Variants in COL21A1 observed in about 807,000 individuals in gnomAD.
The protein encoded by COL21A1 is collagen alpha-1(XXI) chain.
COL21A1 carries 149 observed loss-of-function variants against 137.9 expected under a neutral mutation model. The ratio of observed to expected loss-of-function variants is 1.08; its 90% CI spans 0.95 to 1.24. COL21A1 has a LOEUF of 1.24. Ranked by LOEUF, COL21A1 falls within the 50% of genes most tolerant of loss-of-function variation. COL21A1 has a pLI of 0.00. For missense variants in COL21A1, 1,167 were observed against 1,158.4 expected (o/e 1.01, Z -0.11); for synonymous variants, 456 against 391.5 (o/e 1.16, Z -1.95).
rs1763677445 is a variant in COL21A1 at position 56,276,935 on chromosome 6, G to A, written c.-38-94279C>T. 1.9e-5 allele frequency: 7 copies of A among 373,034 alleles called. No homozygotes were observed. The South Asian group carries it at 2.5e-4, about 13-fold the overall frequency. The allele number at this position is 373,034 out of a possible 1,614,324, so 23.1% of individuals were successfully genotyped here. A position where few individuals can be genotyped will look rare whatever the true frequency, so the allele number is the denominator to read the frequency against. Reference sequence around the variant, plus strand: ...CCATTCTACTGCCTCAGCCTCCCGAGTAGCTGGGACTACAGGCGCATGCCG... The same window carrying A: ...CCATTCTACTGCCTCAGCCTCCCGAATAGCTGGGACTACAGGCGCATGCCG... On this transcript the variant is annotated intron_variant, in intron 1 of 28. Transcript: ENST00000370819.
chr6:56,078,799 G>C (rs1767471719), intron 17 of COL21A1, among the ~76,000 whole-genome samples: 1 of 151,576 alleles, frequency 6.6e-6, no homozygotes, highest in Non-Finnish European at 1.5e-5. Context: ...GAGAACAAAA[G>C]TGGTATGTGA....
chr6:56,190,950 G>A (rs765469940), intron 1 of COL21A1, among the ~76,000 whole-genome samples: 3 of 152,060 alleles, frequency 2.0e-5, no homozygotes, highest in Non-Finnish European at 4.4e-5. Flanking sequence ...TCAATGGAAC[G>A]TATCTTAAAA....
At position 56,183,898 on chromosome 6, in the gene COL21A1, C is replaced by T. The variant is rs569878852; in HGVS notation, c.-38-1242G>A. Among the ~76,000 whole-genome samples the T allele has an allele frequency of 1.2e-4, 19 of 152,144 alleles. No individual in the cohort carries two copies. The South Asian group carries it at 3.5e-3, about 28-fold the overall frequency. On this transcript the variant is annotated intron_variant, in intron 1 of 29. Transcript: ENST00000244728. ...AGAAAAATGCTTGCAGTTAAACAAA[C>T]ATCAGAAAATGGTTTATGCAACGGG...
chr6:56,090,287 A>G (rs1768677897), intron 17 of COL21A1, among the ~76,000 whole-genome samples: 1 of 152,208 alleles, frequency 6.6e-6, no homozygotes, highest in Non-Finnish European at 1.5e-5. Flanking sequence ...AGTGCCGTAG[A>G]CACAGAGCTT....
intron 10 of COL21A1, among the ~76,000 whole-genome samples, chr6:56,145,765 G>C (rs1774783141): frequency 6.6e-6 from 1 of 151,616 alleles, no homozygotes; most frequent in Non-Finnish European, 1.5e-5. Context: ...TTTATTAGCA[G>C]GTCCAAATAT....
At chr6:56,304,466 T>C (rs1345143690) in intron 1 of COL21A1, among the ~76,000 whole-genome samples, 1 of 152,100 alleles carries the variant, frequency 6.6e-6, no homozygotes, top group African/African-American at 2.4e-5. Context: ...CTTGGGAGGG[T>C]GTATGTGTCG....
intron 27 of COL21A1, 90 bp downstream of exon 27, chr6:56,060,651 C>T (rs1328254877): frequency 6.0e-6 from 6 of 1,000,030 alleles, no homozygotes; most frequent in South Asian, 4.0e-5. Flanking sequence ...TCTTCTTCAC[C>T]TCACTTATAT....
At chr6:56,254,272 G>A (rs1328954777) in intron 1 of COL21A1, among the ~76,000 whole-genome samples, 5 of 152,178 alleles carry the variant, frequency 3.3e-5, no homozygotes, top group Admixed American at 1.3e-4. Flanking sequence ...ATGCTTCTTT[G>A]TGGTAACCCA....
At chr6:56,344,304 T>G (rs1765539312) in intron 1 of COL21A1, among the ~76,000 whole-genome samples, 1 of 152,210 alleles carries the variant, frequency 6.6e-6, no homozygotes, top group African/African-American at 2.4e-5. Flanking sequence ...TTTCCAGAAT[T>G]AATGTTTCCA....
rs1206379313 is a variant in COL21A1 at position 56,325,675 on chromosome 6, T to A, written c.-39+68296A>T. Among the ~76,000 whole-genome samples the A allele has an allele frequency of 4.5e-3, 7 of 1,548 alleles. 2 individuals carry two copies. The highest frequency in any genetic ancestry group is 4.9e-3 in the African/African-American group (5 of 1,020). The allele number at this position is 1,548 out of a possible 152,430, so 1.0% of individuals were successfully genotyped here. On this transcript the variant is annotated intron_variant, in intron 1 of 28. Coordinates refer to the COL21A1 transcript ENST00000370819. ...TATATTATATATTAAATATATTATA[T>A]ATAATAGATAATATAAATATATATA...
At chr6:56,122,351 T>C (rs1231962365) in intron 16 of COL21A1, among the ~76,000 whole-genome samples, 1 of 151,840 alleles carries the variant, frequency 6.6e-6, no homozygotes, top group Admixed American at 6.6e-5. Flanking sequence ...CTGGCTGTGT[T>C]GCCCAGGCTG....
At chr6:56,281,763 G>A (rs780045715) in intron 1 of COL21A1, among the ~76,000 whole-genome samples, 4 of 152,070 alleles carry the variant, frequency 2.6e-5, no homozygotes, top group Admixed American at 6.6e-5. Context: ...CCTGATCCTT[G>A]TATTAATTGA....
chr6:56,290,568 C>T (rs949945023), intron 1 of COL21A1, among the ~76,000 whole-genome samples: 1 of 143,720 alleles, frequency 7.0e-6, no homozygotes, highest in Non-Finnish European at 1.5e-5. Context: ...GGCATGATCT[C>T]GGCTCACTGC....
At position 56,233,056 on chromosome 6, in the gene COL21A1, G is replaced by C. The variant is rs567178621; in HGVS notation, c.-39+14331C>G. Among the ~76,000 whole-genome samples the C allele has an allele frequency of 3.0e-4, 45 of 151,914 alleles. 1 individual carries two copies. The South Asian group carries it at 9.1e-3, about 31-fold the overall frequency. On this transcript the variant is annotated intron_variant, in intron 1 of 29. Transcript: ENST00000244728. ...ATATACTTTACACAAATGAGGAAGA[G>C]TGGCCTCTTGAACACTGTGCAACTC... is the stretch of plus-strand genomic sequence containing the variant.
chr6:56,213,692 A>G (rs2152307864), intron 1 of COL21A1, among the ~76,000 whole-genome samples: 1 of 152,216 alleles, frequency 6.6e-6, no homozygotes. Flanking sequence ...AGTATATTGT[A>G]TACATTTTTC....
chr6:56,192,850 TA>T (rs1778779985), intron 1 of COL21A1, among the ~76,000 whole-genome samples: 1 of 152,142 alleles, frequency 6.6e-6, no homozygotes. Flanking sequence ...CATTCTACTG[TA>T]GGTACATATG....
intron 16 of COL21A1, 83 bp downstream of exon 16, chr6:56,123,979 T>C: frequency 8.2e-7 from 1 of 1,217,918 alleles, no homozygotes; most frequent in South Asian, 1.6e-5. Flanking sequence ...TAAAAAATTT[T>C]AATATTGGTA....
At chr6:56,288,405 T>C (rs1763964377) in intron 1 of COL21A1, among the ~76,000 whole-genome samples, 1 of 152,098 alleles carries the variant, frequency 6.6e-6, no homozygotes, top group African/African-American at 2.4e-5. Flanking sequence ...TAGTTACAAT[T>C]ATAGCGAAAT....
chr6:56,133,479 T>G (rs927626753), intron 12 of COL21A1, among the ~76,000 whole-genome samples: 1 of 152,164 alleles, frequency 6.6e-6, no homozygotes, highest in Non-Finnish European at 1.5e-5. Context: ...TTTGGAAAAT[T>G]TGCAGCCTGA....
Sources: allele counts gnomAD v4.1 joint callset (sites outside exome capture counted in the v4.1 genomes callset), GRCh38; gene constraint gnomAD v4.1.1; transcripts MANE v1.5; gene names NCBI Gene and HGNC (gene_info 2026-07-23, HGNC 2026-07-21).